Variants in RNF38 observed in about 807,000 individuals in gnomAD.
RNF38 encodes ring finger protein 38.
RNF38 carries 15 observed loss-of-function variants against 67.2 expected under a neutral mutation model. The observed-to-expected ratio is 0.22, with a 90% CI of 0.15 to 0.34. The LOEUF (loss-of-function observed/expected upper bound fraction) is 0.34, where lower values mean the gene tolerates loss of function less well. RNF38 is among the 10% of genes least tolerant of loss of function. The pLI is 1.00. For synonymous variants in RNF38, 220 were observed against 218.8 expected (o/e 1.01, Z -0.05); for missense variants, 524 against 639.9 (o/e 0.82, Z 1.95).
At chr9:36,412,447 A>T (rs1376250385) in intron 2 of RNF38, among the ~76,000 whole-genome samples, 1 of 152,240 alleles carries the variant, frequency 6.6e-6, no homozygotes, top group East Asian at 1.9e-4. Context: ...GAATCTTGAA[A>T]TGACCATGTG....
chr9:36,403,094 A>G (rs909777564), upstream of RNF38, among the ~76,000 whole-genome samples: 2 of 152,186 alleles, frequency 1.3e-5, no homozygotes, highest in Non-Finnish European at 2.9e-5. Flanking sequence ...ACTACCATGC[A>G]CAGCCTCTAA....
Position 36,365,124 on chromosome 9 carries a change from A to G in RNF38, c.570+4595T>C, listed in dbSNP as rs556479795. Among the ~76,000 whole-genome samples the G allele has an allele frequency of 1.5e-3, 225 of 152,298 alleles. 3 individuals are homozygous for G. Among genetic ancestry groups the G allele is most frequent in the Middle Eastern group, 3.4e-3 (1 of 294 alleles). On this transcript the variant is annotated intron_variant, in intron 4 of 11. Transcript: ENST00000259605. ...ACAATTTCAGGTCTTTTAAATTGTC[A>G]CTAAAAATGACAGAATCATCTTCTC...
chr9:36,340,827 G>A (rs150712270), intron 11 of RNF38, among the ~76,000 whole-genome samples: 1 of 152,238 alleles, frequency 6.6e-6, no homozygotes, highest in Non-Finnish European at 1.5e-5. Context: ...CAACAAATGG[G>A]ACCATAATTT....
At chr9:36,487,579 G>A (rs1351411401), upstream of RNF38, 3 of 978,036 alleles carry the variant, frequency 3.1e-6, no homozygotes, top group Admixed American at 6.3e-5. Context: ...CGCGAGCAGC[G>A]GCTCCGGCTG....
At chr9:36,419,430 C>A (rs1005976256) in intron 2 of RNF38, among the ~76,000 whole-genome samples, 2 of 152,164 alleles carry the variant, frequency 1.3e-5, no homozygotes, top group African/African-American at 4.8e-5. Flanking sequence ...TTAGGAAGAA[C>A]TCTTCTATTT....
intron 1 of RNF38, among the ~76,000 whole-genome samples, chr9:36,438,805 T>C (rs922380020): frequency 6.6e-6 from 1 of 152,220 alleles, no homozygotes; most frequent in African/African-American, 2.4e-5. Context: ...CGGGAAGAGA[T>C]GTCCTCTCTC....
In RNF38 at chr9:36,445,564, T is replaced by C. The variant is rs146272912; in HGVS notation, n.242-20881A>G. Reference sequence around the variant, plus strand: ...GGGTATAGAGATGCTTATGAATAAATTGGAGTTGGGATGAGAGAGAGTGAA... The same window carrying C: ...GGGTATAGAGATGCTTATGAATAAACTGGAGTTGGGATGAGAGAGAGTGAA... On this transcript the variant is annotated intron_variant and non_coding_transcript_variant, in intron 1 of 3. Coordinates refer to the RNF38 transcript ENST00000488058. 5.7e-3 allele frequency among the ~76,000 whole-genome samples: 872 copies of C among 152,232 alleles called. 5 individuals carry two copies. Among genetic ancestry groups the C allele is most frequent in the Non-Finnish European group, 9.3e-3 (633 of 68,018 alleles).
intron 7 of RNF38, 67 bp from the exon 8 acceptor site, chr9:36,352,915 A>T: frequency 2.6e-6 from 3 of 1,147,390 alleles, no homozygotes; most frequent in Non-Finnish European, 3.8e-6. Context: ...CAAATAAAGT[A>T]TCTAATTAAA....
intron 1 of RNF38, among the ~76,000 whole-genome samples, chr9:36,450,859 A>G (rs1839420211): frequency 6.6e-6 from 1 of 151,994 alleles, no homozygotes; most frequent in Non-Finnish European, 1.5e-5. Flanking sequence ...GGTTGCGGTA[A>G]GCCGAGATCG....
At chr9:36,447,187 T>C (rs990902883) in intron 1 of RNF38, among the ~76,000 whole-genome samples, 1 of 152,024 alleles carries the variant, frequency 6.6e-6, no homozygotes, top group Non-Finnish European at 1.5e-5. Context: ...GCCAAAAATT[T>C]TGAGTAAGGA....
intron 9 of RNF38, among the ~76,000 whole-genome samples, chr9:36,345,573 C>G (rs1230073104): frequency 6.6e-6 from 1 of 152,160 alleles, no homozygotes; most frequent in African/African-American, 2.4e-5. Context: ...AGGGGACAAA[C>G]TGTCCCCAGG....
At chr9:36,411,635 C>G (rs2483654) in intron 2 of RNF38, among the ~76,000 whole-genome samples, 7,610 of 152,142 alleles carry the variant, frequency 0.05, 589 homozygotes, top group African/African-American at 0.17. Context: ...AATCTTGGGT[C>G]ACTACAACCT....
chr9:36,472,651 T>C (rs924322617), intron 1 of RNF38, among the ~76,000 whole-genome samples: 12 of 152,162 alleles, frequency 7.9e-5, no homozygotes, highest in African/African-American at 2.9e-4. Flanking sequence ...CCAATACCTA[T>C]TAAGCCCACA....
At chr9:36,380,370 T>A (rs1173556128) in intron 2 of RNF38, among the ~76,000 whole-genome samples, 1 of 152,140 alleles carries the variant, frequency 6.6e-6, no homozygotes, top group Non-Finnish European at 1.5e-5. Context: ...CTGCTAATTT[T>A]GTATTTTTAA....
At chr9:36,483,322 G>A (rs1006598758) in intron 1 of RNF38, among the ~76,000 whole-genome samples, 2 of 152,002 alleles carry the variant, frequency 1.3e-5, no homozygotes, top group African/African-American at 4.8e-5. Context: ...GGAGGTGGAG[G>A]CTGCAGTGAG....
At chr9:36,400,604 G>C (rs1305842596), upstream of RNF38, 1 of 986,208 alleles carries the variant, frequency 1.0e-6, no homozygotes. Context: ...ATCCTCGCTG[G>C]GCCGCCGCCT....
chr9:36,438,275 A>C (rs1482678640), intron 1 of RNF38, among the ~76,000 whole-genome samples: 1 of 152,108 alleles, frequency 6.6e-6, no homozygotes, highest in Non-Finnish European at 1.5e-5. Flanking sequence ...AAAGTAGTCC[A>C]AGATTCTCAA....
At position 36,365,573 on chromosome 9, in the gene RNF38, C is replaced by CA. The variant is rs1201707994; in HGVS notation, c.570+4145dup. On this transcript the variant is annotated intron_variant, in intron 4 of 11. Coordinates refer to ENST00000259605, the MANE Select transcript of RNF38 (RefSeq NM_022781.5). Reference sequence around the variant, plus strand: ...GGGCAAGAAGAGCGAAACTCTGTCTCAAAAAATAAATAAGTTTTCTTTAAA... The same window carrying CA: ...GGGCAAGAAGAGCGAAACTCTGTCTCAAAAAAATAAATAAGTTTTCTTTAAA... 3.4e-5 allele frequency among the ~76,000 whole-genome samples: 5 copies of CA among 148,894 alleles called. No individual in the cohort carries two copies. The East Asian group carries it at 8.0e-4, about 24-fold the overall frequency.
intron 1 of RNF38, among the ~76,000 whole-genome samples, chr9:36,450,547 C>A (rs1839411407): frequency 1.3e-5 from 2 of 152,024 alleles, no homozygotes; most frequent in Non-Finnish European, 2.9e-5. Flanking sequence ...ATTTTAAAAC[C>A]AAATAAAAGC....
Sources: allele counts gnomAD v4.1 joint callset (sites outside exome capture counted in the v4.1 genomes callset), GRCh38; gene constraint gnomAD v4.1.1; transcripts MANE v1.5; gene names NCBI Gene and HGNC (gene_info 2026-07-23, HGNC 2026-07-21).